Variants in TIMELESS observed in about 807,000 individuals in gnomAD.
TIMELESS encodes timeless circadian regulator.
A neutral mutation model predicts 164.3 loss-of-function variants in TIMELESS; 124 were observed. That is an observed-to-expected ratio of 0.75 (90% CI 0.65 to 0.88). The LOEUF (loss-of-function observed/expected upper bound fraction) is 0.88. Ranked by LOEUF, TIMELESS falls within the 40% of genes least tolerant of loss-of-function variation. The probability of loss-of-function intolerance (pLI) is 0.00; values close to 1 mark genes in which losing one functional copy is unlikely to be tolerated. For synonymous variants in TIMELESS, 564 were observed against 563.4 expected, an observed-to-expected ratio of 1.00 and a Z score of -0.02; for missense variants, 1,422 against 1,491.4, an observed-to-expected ratio of 0.95 and a Z score of 0.77.
chr12:56,420,265 G>C (rs1055047061), intron 26 of TIMELESS, among the ~76,000 whole-genome samples: 4 of 151,708 alleles, frequency 2.6e-5, no homozygotes, highest in African/African-American at 9.7e-5. Context: ...CTGTGGGCAG[G>C]GGGGTCCTGG....
chr12:56,423,035 G>A, intron 18 of TIMELESS, 43 bp from the exon 19 acceptor site: 1 of 1,591,538 alleles, frequency 6.3e-7, no homozygotes, highest in South Asian at 1.1e-5. Flanking sequence ...CTGGTCCAAT[G>A]CAGACCCGAA....
In TIMELESS at chr12:56,418,211, C is replaced by T. The variant is rs564705488; in HGVS notation, c.3377G>A (p.Cys1126Tyr). 2.5e-6 allele frequency: 4 copies of T among 1,614,216 alleles called. No individual in the cohort carries two copies. In the African/African-American group the frequency reaches 4.0e-5, roughly 16 times the overall value. The change falls in exon 27 of 29, where the codon TGT becomes TAT. Residue 1126 changes from cysteine (C) to tyrosine (Y), a missense_variant. Cys to Tyr is a radical substitution (Grantham distance 194). Coordinates refer to ENST00000553532, the MANE Select transcript of TIMELESS (RefSeq NM_003920.5). ...CAGGGCTTGTGCTCGGTGCTCTTTA[C>T]AGTGCTCCTCATCAGAGCCTTGCTC... Reference protein sequence around the residue: ...PGEQGSDEEHCKEHRAQALRA... With the variant: ...PGEQGSDEEHYKEHRAQALRA...
Position 56,421,115 on chromosome 12 carries a change from A to G in TIMELESS, c.2888T>C (p.Leu963Pro). 1 of 1,614,100 alleles carries G rather than the reference A, an allele frequency of 6.2e-7. No homozygotes were observed. The highest frequency in any genetic ancestry group is 1.1e-5 in the South Asian group (1 of 91,078). Residue 963 changes from leucine (L) to proline (P), a missense_variant, in exon 24 of 29, where the codon CTG (leucine) becomes CCG (proline). Coordinates refer to ENST00000553532, the MANE Select transcript of TIMELESS (RefSeq NM_003920.5). ...CAGATCTTCCTGGCAAAAATCTTTC[A>G]GGGACTCCGCTCCATTTGGCTAAAA... ...SSILPNGAES[L>P]KDFCQEDLEE...
At chr12:56,422,766 G>C in intron 19 of TIMELESS, 81 bp downstream of exon 19, 2 of 1,441,182 alleles carry the variant, frequency 1.4e-6, no homozygotes, top group Non-Finnish European at 1.9e-6. Context: ...TGACATGCAA[G>C]CTCTTAACAG....
chr12:56,422,195 A>G lies in TIMELESS; in HGVS notation c.2439-4T>C, dbSNP rs776336586. ...AGGTGCTCTGCGACTGGAAGACCTG[A>G]ATGGTGAAAGGAGAAAGGGAGCATA... On this transcript the variant is annotated splice_region_variant and splice_polypyrimidine_tract_variant and intron_variant, in intron 19 of 28. Coordinates refer to ENST00000553532, the MANE Select transcript of TIMELESS (RefSeq NM_003920.5). 6.2e-7 allele frequency: 1 copy of G among 1,613,714 alleles called. No homozygotes were observed. The highest frequency in any genetic ancestry group is 1.1e-5 in the South Asian group (1 of 91,036).
intron 9 of TIMELESS, 137 bp downstream of exon 9, chr12:56,430,744 T>G (rs1413597796): frequency 7.3e-5 from 40 of 550,618 alleles, no homozygotes; most frequent in Non-Finnish European, 9.7e-6. Flanking sequence ...GCTCAAGCAA[T>G]CCTCCTGCCT....
At chr12:56,432,953 CAAAAA>C in intron 6 of TIMELESS, 68 bp downstream of exon 6, 211 of 544,852 alleles carry the variant, frequency 3.9e-4, no homozygotes, top group East Asian at 6.2e-4. Context: ...GACTCCGTCT[CAAAAA>C]AAAAAAAAAA....
At chr12:56,431,354 CAAAA>C (rs11366728) in intron 8 of TIMELESS, 113 bp downstream of exon 8, 798 of 818,386 alleles carry the variant, frequency 9.8e-4, no homozygotes, top group Admixed American at 1.6e-3. Flanking sequence ...AATTCTGTCT[CAAAA>C]AAAAAAAAAA....
chr12:56,419,060 C>A (rs1881367916), intron 26 of TIMELESS, among the ~76,000 whole-genome samples: 1 of 145,980 alleles, frequency 6.9e-6, no homozygotes, highest in Non-Finnish European at 1.5e-5. Flanking sequence ...AGTGCCGTGG[C>A]AAAGCAATAA....
chr12:56,423,709 T>C lies in TIMELESS; in HGVS notation c.1967-2A>G. ...CACGTTCCTCTGGGCCCTGCTGCCC[T>C]ATAGACAGAGGGAGGATTACTGAGT... On this transcript the variant is annotated splice_acceptor_variant, in intron 16 of 28. Transcript: ENST00000553532. LOFTEE classifies it high-confidence loss of function. 6.2e-7 allele frequency: 1 copy of C among 1,614,108 alleles called. No homozygotes were observed.
rs762734079 is a variant in TIMELESS, at chr12:56,430,215, G to A, written c.976C>T (p.Arg326Ter). Reference protein sequence around the residue: ...KKVPKRRQAARELSIQRRSAL... With the variant: ...KKVPKRRQAA ...GAACGGCGCTGAATGGACAGCTCTC[G>A]GGCGGCCTGGCGACGTTTAGGCACC... The change falls in exon 10 of 29, where the codon CGA (arginine) becomes TGA (stop). Residue 326 changes from arginine (R) to a stop codon, truncating the protein, a stop_gained. Transcript: ENST00000553532. LOFTEE classifies it high-confidence loss of function. The A allele has an allele frequency of 2.2e-5, 35 of 1,613,934 alleles. No individual in the cohort carries two copies. Among genetic ancestry groups the A allele is most frequent in the Non-Finnish European group, 2.4e-5 (28 of 1,179,988 alleles).
In TIMELESS at chr12:56,444,338, A is replaced by T. The variant is rs184856097; in HGVS notation, c.-62+4972T>A. On this transcript the variant is annotated intron_variant, in intron 1 of 28. Coordinates refer to ENST00000553532, the MANE Select transcript of TIMELESS (RefSeq NM_003920.5). ...ATCTGCTTCCTTCCTGTTAGGAACA[A>T]TTGAGGTTATCAGACATGAACTCTC... Among the ~76,000 whole-genome samples the T allele has an allele frequency of 2.8e-3, 419 of 152,198 alleles. 3 individuals carry two copies. The highest frequency in any genetic ancestry group is 9.6e-3 in the African/African-American group (398 of 41,520).
rs1224975708 is a variant in TIMELESS, at chr12:56,417,573, C to T, written c.*143G>A. The T allele has an allele frequency of 6.6e-6, 5 of 756,874 alleles. No individual in the cohort carries two copies. Among genetic ancestry groups the T allele is most frequent in the Non-Finnish European group, 1.1e-5 (5 of 459,922 alleles). The allele number at this position is 756,874 out of a possible 1,614,324, so 46.9% of individuals were successfully genotyped here. A position where few individuals can be genotyped will look rare whatever the true frequency, so the allele number is the denominator to read the frequency against. On this transcript the variant is annotated 3_prime_UTR_variant, in exon 29 of 29. Coordinates refer to ENST00000553532, the MANE Select transcript of TIMELESS (RefSeq NM_003920.5). ...GTCCAATACTGCTGCTGAAGTTTCTCAGCCTAAATCCGTGAAAGAGCCTGG... is the reference window on the plus strand; with the variant it reads ...GTCCAATACTGCTGCTGAAGTTTCTTAGCCTAAATCCGTGAAAGAGCCTGG...
At chr12:56,430,825 C>G in intron 9 of TIMELESS, 56 bp downstream of exon 9, 1 of 1,219,852 alleles carries the variant, frequency 8.2e-7, no homozygotes, top group Non-Finnish European at 1.2e-6. Flanking sequence ...AGATGATTAC[C>G]CTGCTTAAGC....
At position 56,423,807 on chromosome 12, in the gene TIMELESS, A is replaced by T; in HGVS notation, c.1956T>A (p.Ala652=). 1 of 1,614,160 alleles carries T rather than the reference A, an allele frequency of 6.2e-7. No individual in the cohort carries two copies. The highest frequency in any genetic ancestry group is 2.2e-5 in the East Asian group (1 of 44,886). ...AGGGTGGAGACTCACGGGGAAGTGGAGCAGAGAGGATTTGTTTCAGCAACT... is the reference window on the plus strand; with the variant it reads ...AGGGTGGAGACTCACGGGGAAGTGGTGCAGAGAGGATTTGTTTCAGCAACT... ...EIQLLKQILS[A]PLPRQQGPEE... is the part of the protein sequence containing the mutation. Residue 652 remains alanine, a synonymous_variant, in exon 16 of 29, where the codon GCT becomes GCA. Transcript: ENST00000553532.
rs150742725 is a variant in TIMELESS at position 56,424,754 on chromosome 12, G to A, written c.1868+8C>T. 4,108 of 1,613,100 alleles carry A rather than the reference G, an allele frequency of 2.5e-3. 20 individuals are homozygous for A. The highest frequency in any genetic ancestry group is 9.0e-3 in the Middle Eastern group (54 of 5,984). Reference sequence around the variant, plus strand: ...AAGCCCAAGAGGATGAGCAGGCAGGGTTCTTACCGAGCAGACCTCAGGAGA... The same window carrying A: ...AAGCCCAAGAGGATGAGCAGGCAGGATTCTTACCGAGCAGACCTCAGGAGA... On this transcript the variant is annotated splice_region_variant and intron_variant, in intron 15 of 28. Coordinates refer to ENST00000553532, the MANE Select transcript of TIMELESS (RefSeq NM_003920.5).
At chr12:56,424,415 C>A (rs905236532) in intron 15 of TIMELESS, among the ~76,000 whole-genome samples, 2 of 152,190 alleles carry the variant, frequency 1.3e-5, no homozygotes, top group African/African-American at 2.4e-5. Context: ...TTGGATACTG[C>A]CACTTTAAGT....
intron 1 of TIMELESS, among the ~76,000 whole-genome samples, chr12:56,448,739 AAAAT>A (rs1223382797): frequency 2.0e-5 from 3 of 152,212 alleles, no homozygotes; most frequent in Non-Finnish European, 4.4e-5. Flanking sequence ...AAAATAAAAT[AAAAT>A]AAATAAAAAA....
chr12:56,441,093 C>T (rs553873420), intron 1 of TIMELESS, among the ~76,000 whole-genome samples: 18 of 152,264 alleles, frequency 1.2e-4, no homozygotes, highest in Admixed American at 3.9e-4. Context: ...GCTGGGATTA[C>T]GGGCATGAGC....
Sources: allele counts gnomAD v4.1 joint callset (sites outside exome capture counted in the v4.1 genomes callset), GRCh38; gene constraint gnomAD v4.1.1; transcripts MANE v1.5; gene names NCBI Gene and HGNC (gene_info 2026-07-23, HGNC 2026-07-21).